Variants in KAZN observed in about 807,000 individuals in gnomAD.
The protein encoded by KAZN is kazrin.
In KAZN, 40 loss-of-function variants were observed where a neutral mutation model predicts 87.4. That is an observed-to-expected ratio of 0.46 (90% CI 0.36 to 0.60). The LOEUF is 0.60. KAZN is among the 20% of genes least tolerant of loss of function. KAZN has a pLI of 0.00. For missense variants in KAZN, 898 were observed against 1,073.9 expected, an observed-to-expected ratio of 0.84 and a Z score of 2.29; for synonymous variants, 466 against 458.3, an observed-to-expected ratio of 1.02 and a Z score of -0.22.
Position 14,557,619 on chromosome 1 carries a change from GGTGTGTGTGGGTGTGTGTGTGTGTGTGT to G in KAZN, c.250-41354_250-41327del, listed in dbSNP as rs1673969440. ...TTCTCCAGAGAAACAAAACCAATAGGGTGTGTGTGGGTGTGTGTGTGTGTGTGTGTGTGTGTGTGTGTGTGTGGTGTGT... is the reference window on the plus strand; with the variant it reads ...TTCTCCAGAGAAACAAAACCAATAGGGTGTGTGTGTGTGTGTGTGGTGTGT... On this transcript the variant is annotated intron_variant, in intron 2 of 16. Transcript: ENST00000636203. Among the ~76,000 whole-genome samples, 2 of 94,044 alleles carry G rather than the reference GGTGTGTGTGGGTGTGTGTGTGTGTGTGT, an allele frequency of 2.1e-5. 1 individual carries two copies. The highest frequency in any genetic ancestry group is 2.5e-4 in the Admixed American group (2 of 7,962). 61.7% of individuals were successfully genotyped at this position (94,044 alleles called of 152,430 possible).
chr1:14,615,879 T>C (rs1678199243), intron 1 of KAZN, among the ~76,000 whole-genome samples: 1 of 152,220 alleles, frequency 6.6e-6, no homozygotes, highest in South Asian at 2.1e-4. Context: ...CTATTCATAA[T>C]ATCACCCAAT....
chr1:14,672,491 G>T (rs796881361), intron 1 of KAZN, among the ~76,000 whole-genome samples: 40 of 152,292 alleles, frequency 2.6e-4, no homozygotes, highest in African/African-American at 9.6e-4. Context: ...CCAAGGCCGA[G>T]GATCATTGAA....
intron 1 of KAZN, among the ~76,000 whole-genome samples, chr1:13,916,964 C>A (rs1557718817): frequency 1.3e-5 from 2 of 152,186 alleles, no homozygotes; most frequent in Non-Finnish European, 2.9e-5. Context: ...CCCTGGGTAA[C>A]CATGGAAGGA....
chr1:13,985,454 G>A (rs1638966738), intron 1 of KAZN, among the ~76,000 whole-genome samples: 1 of 147,388 alleles, frequency 6.8e-6, no homozygotes, highest in African/African-American at 2.5e-5. Context: ...ACTATCGCAA[G>A]AACAAAAAAC....
chr1:14,302,108 A>G (rs1654598144), intron 2 of KAZN, among the ~76,000 whole-genome samples: 1 of 152,220 alleles, frequency 6.6e-6, no homozygotes, highest in South Asian at 2.1e-4. Flanking sequence ...GAAGATGCAT[A>G]GGGAAAAACA....
In KAZN at chr1:14,920,276, G is replaced by GTTTTTTTTTTT. The variant is rs55641056; in HGVS notation, c.227-40398_227-40388dup. Among the ~76,000 whole-genome samples, 4 of 94,158 alleles carry GTTTTTTTTTTT rather than the reference G, an allele frequency of 4.2e-5. 1 individual carries two copies. Among genetic ancestry groups the GTTTTTTTTTTT allele is most frequent in the Non-Finnish European group, 4.0e-5 (2 of 50,008 alleles). 61.8% of individuals were successfully genotyped at this position (94,158 alleles called of 152,430 possible). Reference sequence around the variant, plus strand: ...TTTTTCTGTCTGCAGCCTCTTTTCTGTTTTTTTTTTTTTTTTTTTTGGGTG... The same window carrying GTTTTTTTTTTT: ...TTTTTCTGTCTGCAGCCTCTTTTCTGTTTTTTTTTTTTTTTTTTTTTTTTTTTTTTTGGGTG... On this transcript the variant is annotated intron_variant, in intron 1 of 14. Transcript: ENST00000376030.
chr1:14,747,798 C>T (rs1002940219), intron 1 of KAZN, among the ~76,000 whole-genome samples: 6 of 152,144 alleles, frequency 3.9e-5, no homozygotes, highest in Admixed American at 6.5e-5. Flanking sequence ...TTTTCCACAG[C>T]GGCTGCACCA....
intron 1 of KAZN, among the ~76,000 whole-genome samples, chr1:14,835,229 C>A (rs779074821): frequency 2.0e-5 from 3 of 152,172 alleles, no homozygotes; most frequent in Non-Finnish European, 4.4e-5. Flanking sequence ...TCACCAAAGA[C>A]ATATGTTGCC....
intron 2 of KAZN, among the ~76,000 whole-genome samples, chr1:14,254,377 C>T (rs979327555): frequency 1.3e-5 from 2 of 152,220 alleles, no homozygotes; most frequent in Admixed American, 1.3e-4. Context: ...TATTTATGAC[C>T]TGCATCTCCA....
At chr1:14,781,397 T>G (rs1470881120) in intron 1 of KAZN, among the ~76,000 whole-genome samples, 2 of 152,230 alleles carry the variant, frequency 1.3e-5, no homozygotes, top group Non-Finnish European at 2.9e-5. Flanking sequence ...CATTTAAAAA[T>G]GTCCTTTCAG....
intron 2 of KAZN, among the ~76,000 whole-genome samples, chr1:14,215,136 G>T (rs534332581): frequency 1.7e-4 from 26 of 152,098 alleles, no homozygotes; most frequent in Non-Finnish European, 3.1e-4. Flanking sequence ...CATTTCTCAC[G>T]TGGGGAGCTA....
At chr1:15,108,391 G>A (rs1018913603) in intron 13 of KAZN, among the ~76,000 whole-genome samples, 11 of 152,200 alleles carry the variant, frequency 7.2e-5, no homozygotes, top group Admixed American at 2.0e-4. Context: ...GGGCCTTTGA[G>A]GCCACATTCT....
intron 1 of KAZN, among the ~76,000 whole-genome samples, chr1:13,975,948 T>C (rs930406585): frequency 6.6e-6 from 1 of 152,252 alleles, no homozygotes; most frequent in Non-Finnish European, 1.5e-5. Context: ...TTTAGGCCAC[T>C]TTTCCTCTGT....
At chr1:15,025,995 G>A (rs908163568) in intron 2 of KAZN, among the ~76,000 whole-genome samples, 5 of 151,944 alleles carry the variant, frequency 3.3e-5, no homozygotes, top group Admixed American at 6.6e-5. Context: ...AACCTCTTCC[G>A]AACTCACCTT....
At chr1:14,319,648 G>A (rs964826360) in intron 2 of KAZN, among the ~76,000 whole-genome samples, 1 of 152,106 alleles carries the variant, frequency 6.6e-6, no homozygotes, top group Admixed American at 6.5e-5. Context: ...CTCCCTTCTC[G>A]ACAGCCTGCA....
intron 1 of KAZN, among the ~76,000 whole-genome samples, chr1:14,871,032 G>A (rs942967391): frequency 1.3e-5 from 2 of 152,208 alleles, no homozygotes; most frequent in African/African-American, 4.8e-5. Context: ...CAGCTCACCT[G>A]TTCTTTGTCC....
At chr1:14,199,623 G>A (rs1646599109) in intron 2 of KAZN, among the ~76,000 whole-genome samples, 1 of 152,178 alleles carries the variant, frequency 6.6e-6, no homozygotes, top group Non-Finnish European at 1.5e-5. Flanking sequence ...GTTGAAAGAA[G>A]GGCTCTGGGG....
At chr1:14,140,481 C>T (rs1645212363) in intron 1 of KAZN, among the ~76,000 whole-genome samples, 2 of 152,072 alleles carry the variant, frequency 1.3e-5, no homozygotes, top group African/African-American at 2.4e-5. Flanking sequence ...GCATGATCTG[C>T]ATTCTCTTCT....
intron 13 of KAZN, among the ~76,000 whole-genome samples, chr1:15,110,827 C>T (rs922244090): frequency 1.3e-5 from 2 of 152,192 alleles, no homozygotes; most frequent in African/African-American, 4.8e-5. Context: ...AGACACACCC[C>T]CTCTTTGGTC....
Sources: allele counts gnomAD v4.1 joint callset (sites outside exome capture counted in the v4.1 genomes callset), GRCh38; gene constraint gnomAD v4.1.1; transcripts MANE v1.5; gene names NCBI Gene and HGNC (gene_info 2026-07-23, HGNC 2026-07-21).